Variants in ATRNL1 observed in about 807,000 individuals in gnomAD.
The protein encoded by ATRNL1 is attractin like 1.
ATRNL1 carries 95 observed loss-of-function variants against 182.7 expected under a neutral mutation model. The observed-to-expected ratio is 0.52, with a 90% confidence interval of 0.44 to 0.62. The LOEUF (loss-of-function observed/expected upper bound fraction) is 0.62. ATRNL1 is among the 20% of genes least tolerant of loss of function. The pLI is 0.00. For missense variants in ATRNL1, 1,471 were observed against 1,679.5 expected (o/e 0.88, Z 2.17); for synonymous variants, 576 against 568.3 (o/e 1.01, Z -0.19).
chr10:115,213,704 T>C (rs1175323688), intron 8 of ATRNL1, among the ~76,000 whole-genome samples: 1 of 152,164 alleles, frequency 6.6e-6, no homozygotes, highest in African/African-American at 2.4e-5. Context: ...ATTCAATTTT[T>C]CTAGCTTTGA....
chr10:115,346,472 T>C (rs1005313765), intron 19 of ATRNL1, among the ~76,000 whole-genome samples: 1 of 152,222 alleles, frequency 6.6e-6, no homozygotes, highest in African/African-American at 2.4e-5. Flanking sequence ...TAATGTTTCA[T>C]TATGTATTAG....
At chr10:115,434,998 A>G (rs1846334334) in intron 21 of ATRNL1, among the ~76,000 whole-genome samples, 1 of 150,814 alleles carries the variant, frequency 6.6e-6, no homozygotes, top group African/African-American at 2.4e-5. Flanking sequence ...CTGAAGTTTA[A>G]TTGACATTTT....
At chr10:115,650,726 A>C (rs1329449059) in intron 26 of ATRNL1, among the ~76,000 whole-genome samples, 1 of 152,096 alleles carries the variant, frequency 6.6e-6, no homozygotes, top group Non-Finnish European at 1.5e-5. Context: ...GGCATACTTA[A>C]GTCACCCATC....
At chr10:115,216,195 T>C (rs1387399623) in intron 9 of ATRNL1, among the ~76,000 whole-genome samples, 3 of 152,232 alleles carry the variant, frequency 2.0e-5, no homozygotes, top group African/African-American at 7.2e-5. Flanking sequence ...TTTGTTGTTA[T>C]AAACAATGCT....
intron 19 of ATRNL1, among the ~76,000 whole-genome samples, chr10:115,382,276 A>G (rs1301378672): frequency 6.6e-6 from 1 of 152,148 alleles, no homozygotes; most frequent in African/African-American, 2.4e-5. Flanking sequence ...TCTATAGAGT[A>G]AATTTATATA....
chr10:115,284,340 A>G (rs1852508135), intron 14 of ATRNL1, among the ~76,000 whole-genome samples: 1 of 152,210 alleles, frequency 6.6e-6, no homozygotes, highest in African/African-American at 2.4e-5. Context: ...TAATAATCTA[A>G]ATTCTTCCTT....
intron 24 of ATRNL1, among the ~76,000 whole-genome samples, chr10:115,497,382 G>T (rs1656486823): frequency 6.6e-6 from 1 of 152,196 alleles, no homozygotes; most frequent in African/African-American, 2.4e-5. Context: ...TGGCAGATAT[G>T]TGAGTCCATG....
chr10:115,685,328 C>G lies in ATRNL1; in HGVS notation c.3796-41920C>G, dbSNP rs77637593. On this transcript the variant is annotated intron_variant, in intron 26 of 28. Transcript: ENST00000355044. Reference sequence around the variant, plus strand: ...ACTCTGCCATGTACTACTTGTATGACTTAGGACAAGTTATTTAGCCTCTTT... The same window carrying G: ...ACTCTGCCATGTACTACTTGTATGAGTTAGGACAAGTTATTTAGCCTCTTT... Among the ~76,000 whole-genome samples, 836 of 151,706 alleles carry G rather than the reference C, an allele frequency of 5.5e-3. 8 individuals carry two copies. The highest frequency in any genetic ancestry group is 0.019 in the African/African-American group (806 of 41,476).
chr10:115,457,443 G>A (rs1847580546), intron 21 of ATRNL1, among the ~76,000 whole-genome samples: 1 of 152,036 alleles, frequency 6.6e-6, no homozygotes, highest in East Asian at 1.9e-4. Context: ...TCAGGCTTTA[G>A]GCTGTCTTTG....
intron 13 of ATRNL1, among the ~76,000 whole-genome samples, chr10:115,272,740 A>G (rs782328074): frequency 9.2e-5 from 14 of 152,114 alleles, no homozygotes; most frequent in Non-Finnish European, 1.6e-4. Flanking sequence ...ATTACTACGT[A>G]GCTGGCACTG....
At chr10:115,824,216 G>A (rs972380526) in intron 27 of ATRNL1, among the ~76,000 whole-genome samples, 1 of 152,160 alleles carries the variant, frequency 6.6e-6, no homozygotes, top group Non-Finnish European at 1.5e-5. Context: ...GAGAAAACTG[G>A]CTAGCCATGT....
At chr10:115,665,928 G>C (rs1555039555) in intron 26 of ATRNL1, among the ~76,000 whole-genome samples, 1 of 152,060 alleles carries the variant, frequency 6.6e-6, no homozygotes, top group Admixed American at 6.6e-5. Context: ...TTCTTAAATG[G>C]GTTGTAACTT....
chr10:115,724,422 T>A (rs1379320498), intron 26 of ATRNL1, among the ~76,000 whole-genome samples: 1 of 152,142 alleles, frequency 6.6e-6, no homozygotes, highest in Non-Finnish European at 1.5e-5. Context: ...ACAAAAATAG[T>A]GCTTGAAATT....
intron 1 of ATRNL1, among the ~76,000 whole-genome samples, chr10:115,113,687 G>A (rs532540885): frequency 6.6e-6 from 1 of 152,278 alleles, no homozygotes; most frequent in East Asian, 1.9e-4. Flanking sequence ...ATGCTCCCCA[G>A]CCACGTGGAA....
rs1554994039 is a variant in ATRNL1 at position 115,547,262 on chromosome 10, A to AT, written c.3717-2196_3717-2195insT. Among the ~76,000 whole-genome samples, 636 of 131,026 alleles carry AT rather than the reference A, an allele frequency of 4.9e-3. 12 individuals are homozygous for AT. In the East Asian group the frequency reaches 0.082, roughly 17 times the overall value. The allele number at this position is 131,026 out of a possible 152,430, so 86.0% of individuals were successfully genotyped here. A position where few individuals can be genotyped will look rare whatever the true frequency, so the allele number is the denominator to read the frequency against. On this transcript the variant is annotated intron_variant, in intron 25 of 28. Transcript: ENST00000355044. ...AGAGTGAGACTCCATCTCAAAAAAA[A>AT]AATATATATATATATATATAAATAT...
intron 15 of ATRNL1, among the ~76,000 whole-genome samples, chr10:115,294,380 C>T (rs892367190): frequency 1.3e-5 from 2 of 152,114 alleles, no homozygotes; most frequent in South Asian, 2.1e-4. Flanking sequence ...GGTTGAAGCT[C>T]TCTGTTGCAT....
intron 14 of ATRNL1, among the ~76,000 whole-genome samples, chr10:115,282,676 T>G (rs1554917328): frequency 6.6e-6 from 1 of 152,076 alleles, no homozygotes; most frequent in African/African-American, 2.4e-5. Context: ...ACAGATAAAC[T>G]GAGATCCATG....
chr10:115,506,853 T>A (rs1346828010), intron 24 of ATRNL1, among the ~76,000 whole-genome samples: 1 of 152,060 alleles, frequency 6.6e-6, no homozygotes, highest in African/African-American at 2.4e-5. Flanking sequence ...AATTGCCTTG[T>A]GGTTACCAAA....
chr10:115,391,646 G>C (rs1844026135), intron 19 of ATRNL1, among the ~76,000 whole-genome samples: 1 of 151,694 alleles, frequency 6.6e-6, no homozygotes, highest in South Asian at 2.1e-4. Flanking sequence ...TCGGACTGCA[G>C]TAAGGTGGTA....
Sources: gnomAD v4.1 joint callset for allele counts (sites outside exome capture counted in the v4.1 genomes callset) on GRCh38, gnomAD v4.1.1 for gene constraint, MANE v1.5 for transcripts, NCBI Gene and HGNC (gene_info 2026-07-23, HGNC 2026-07-21) for gene names.